Variants in MBD5 observed in about 807,000 individuals in gnomAD.
The protein encoded by MBD5 is methyl-CpG binding domain protein 5.
A neutral mutation model predicts 117.3 loss-of-function variants in MBD5; 13 were observed. The observed-to-expected ratio is 0.11, with a 90% CI of 0.07 to 0.18. The LOEUF is 0.18. Among genes scored for constraint, MBD5 ranks in the 10% least tolerant of loss-of-function variants. MBD5 has a pLI of 1.00. For synonymous variants in MBD5, 727 were observed against 766.4 expected, an observed-to-expected ratio of 0.95 and a Z score of 0.85; for missense variants, 1,879 against 2,093.8, an observed-to-expected ratio of 0.90 and a Z score of 2.00.
intron 1 of MBD5, among the ~76,000 whole-genome samples, chr2:148,032,711 C>T (rs940706841): frequency 1.3e-5 from 2 of 152,032 alleles, no homozygotes; most frequent in African/African-American, 4.8e-5. Context: ...ACAAGAAAAA[C>T]CTACTATTAA....
chr2:148,345,034 C>T (rs549719724), intron 4 of MBD5, among the ~76,000 whole-genome samples: 2 of 151,684 alleles, frequency 1.3e-5, no homozygotes, highest in East Asian at 3.9e-4. Context: ...TTACCGTATA[C>T]CAAGGTTGTA....
intron 3 of MBD5, among the ~76,000 whole-genome samples, chr2:148,338,352 A>AC (rs1313018038): frequency 6.6e-6 from 1 of 152,192 alleles, no homozygotes; most frequent in Non-Finnish European, 1.5e-5. Context: ...ATCTAAAAAA[A>AC]AAAATTCCCA....
intron 3 of MBD5, among the ~76,000 whole-genome samples, chr2:148,274,237 T>C (rs1200587180): frequency 6.6e-6 from 1 of 152,076 alleles, no homozygotes; most frequent in Non-Finnish European, 1.5e-5. Flanking sequence ...AAACCACTTT[T>C]TTTAAATTAT....
intron 3 of MBD5, among the ~76,000 whole-genome samples, chr2:148,268,891 T>C (rs1180412364): frequency 6.6e-6 from 1 of 152,070 alleles, no homozygotes; most frequent in Non-Finnish European, 1.5e-5. Context: ...TGGGTGGGGA[T>C]TTCTATTTTT....
intron 4 of MBD5, among the ~76,000 whole-genome samples, chr2:148,407,406 A>C (rs997757863): frequency 1.3e-5 from 2 of 150,868 alleles, no homozygotes; most frequent in Admixed American, 1.3e-4. Flanking sequence ...GTATGTATTT[A>C]TGTATCCTTG....
chr2:148,428,223 C>T lies in MBD5; in HGVS notation c.-556-29980C>T, dbSNP rs192315513. ...ATAACAGACAAACAGAGAGCCAAAT[C>T]ATGAGTGAACTCCCATTCACAATTG... On this transcript the variant is annotated intron_variant, in intron 4 of 13. Coordinates refer to ENST00000642680, the MANE Select transcript of MBD5 (RefSeq NM_001378120.1). 9.5e-4 allele frequency among the ~76,000 whole-genome samples: 144 copies of T among 152,248 alleles called. 1 individual carries two copies. Among genetic ancestry groups the T allele is most frequent in the African/African-American group, 3.2e-3 (133 of 41,558 alleles).
intron 4 of MBD5, among the ~76,000 whole-genome samples, chr2:148,409,105 AC>A (rs1465163035): frequency 1.3e-5 from 2 of 152,008 alleles, no homozygotes; most frequent in African/African-American, 4.8e-5. Context: ...CATAATTTTG[AC>A]TGGGTGTGGT....
intron 5 of MBD5, among the ~76,000 whole-genome samples, chr2:148,459,609 A>G (rs936625530): frequency 6.6e-6 from 1 of 152,160 alleles, no homozygotes; most frequent in Admixed American, 6.6e-5. Flanking sequence ...GTAATGAAAA[A>G]TTTTAGAAAC....
intron 1 of MBD5, among the ~76,000 whole-genome samples, chr2:148,090,460 G>T (rs183085017): frequency 6.6e-6 from 1 of 151,932 alleles, no homozygotes; most frequent in Admixed American, 6.6e-5. Flanking sequence ...CTAGCAAACC[G>T]AATCCAACGG....
chr2:148,118,297 T>G (rs1450415385), intron 1 of MBD5, among the ~76,000 whole-genome samples: 1 of 152,180 alleles, frequency 6.6e-6, no homozygotes, highest in Admixed American at 6.5e-5. Flanking sequence ...CTTATTGCTG[T>G]AAGTCAATTA....
At chr2:148,475,327 A>G (rs1269176989) in intron 8 of MBD5, among the ~76,000 whole-genome samples, 1 of 152,124 alleles carries the variant, frequency 6.6e-6, no homozygotes, top group East Asian at 1.9e-4. Context: ...TTTTTGCAAA[A>G]TGAGCCATTT....
chr2:148,225,200 G>A (rs894531530), intron 2 of MBD5, among the ~76,000 whole-genome samples: 2 of 151,932 alleles, frequency 1.3e-5, no homozygotes, highest in Non-Finnish European at 2.9e-5. Context: ...TTTATGTTTT[G>A]TGTATTAGTT....
intron 1 of MBD5, among the ~76,000 whole-genome samples, chr2:148,036,594 C>T (rs959993635): frequency 6.6e-6 from 1 of 152,092 alleles, no homozygotes; most frequent in African/African-American, 2.4e-5. Flanking sequence ...TAGCCATCAA[C>T]TGGCTTTTTC....
At chr2:148,113,945 C>G (rs1171863452) in intron 1 of MBD5, among the ~76,000 whole-genome samples, 1 of 151,932 alleles carries the variant, frequency 6.6e-6, no homozygotes, top group Non-Finnish European at 1.5e-5. Flanking sequence ...TTCTTTTCAT[C>G]AACAGTATAT....
rs1248431735 is a variant in MBD5, at chr2:148,483,694, C to A, written c.3103C>A (p.His1035Asn). ...SLTQMTAPPD[H>N]LPSNQSDNSR... ...AACACAGATGACAGCCCCACCAGAC[C>A]ATTTGCCAAGCAATCAGTCAGACAA... Residue 1035 changes from histidine (H) to asparagine (N), a missense_variant, in exon 9 of 14, where the codon CAT (histidine) becomes AAT (asparagine). Physicochemically the swap from His to Asn is moderately conservative, Grantham distance 68 (BLOSUM62 1). This residue lies in a region of MBD5 where 1,666 missense variants were observed against 1,792.2 expected (regional missense o/e 0.93). Coordinates refer to ENST00000642680, the MANE Select transcript of MBD5 (RefSeq NM_001378120.1). 6.4e-7 allele frequency: 1 copy of A among 1,550,560 alleles called. No homozygotes were observed. The highest frequency in any genetic ancestry group is 1.4e-5 in the African/African-American group (1 of 73,046).
At chr2:148,175,545 G>A (rs1698364109) in intron 1 of MBD5, among the ~76,000 whole-genome samples, 1 of 152,088 alleles carries the variant, frequency 6.6e-6, no homozygotes, top group African/African-American at 2.4e-5. Context: ...GTTGGAAGTG[G>A]AACACCATGG....
At chr2:148,509,470 T>C (rs967464321) in intron 12 of MBD5, among the ~76,000 whole-genome samples, 3 of 152,216 alleles carry the variant, frequency 2.0e-5, no homozygotes, top group Non-Finnish European at 2.9e-5. Flanking sequence ...TTCAAATAGT[T>C]ACCTCATTTT....
chr2:148,188,061 G>T (rs186190755), intron 2 of MBD5, among the ~76,000 whole-genome samples: 8 of 152,244 alleles, frequency 5.3e-5, no homozygotes, highest in Admixed American at 1.3e-4. Flanking sequence ...ATCCAGAATG[G>T]TCCAAAATTC....
At chr2:148,120,727 A>G (rs2105402296) in intron 1 of MBD5, among the ~76,000 whole-genome samples, 1 of 152,300 alleles carries the variant, frequency 6.6e-6, no homozygotes, top group South Asian at 2.1e-4. Context: ...CTCTGCAAAT[A>G]AAGATTGATT....
Sources: gnomAD v4.1 joint callset for allele counts (sites outside exome capture counted in the v4.1 genomes callset) on GRCh38, gnomAD v4.1.1 for gene constraint, gnomAD v4.1.1 regional missense constraint, MANE v1.5 for transcripts, NCBI Gene and HGNC (gene_info 2026-07-23, HGNC 2026-07-21) for gene names.